The following GRK7 variants were observed in gnomAD, a reference collection of about 807,000 sequenced individuals.
GRK7 encodes rhodopsin kinase GRK7.
GRK7 carries 24 observed loss-of-function variants against 34.1 expected under a neutral mutation model. The ratio of observed to expected loss-of-function variants is 0.70; its 90% CI spans 0.51 to 0.99. GRK7 has a LOEUF of 0.99. Ranked by LOEUF, GRK7 falls within the 50% of genes least tolerant of loss-of-function variation. The probability of loss-of-function intolerance (pLI) is 0.00; values close to 1 mark genes in which losing one functional copy is unlikely to be tolerated. For synonymous variants in GRK7, 256 were observed against 279.4 expected (o/e 0.92, Z 0.84); for missense variants, 644 against 707.3 (o/e 0.91, Z 1.02).
intron 1 of GRK7, among the ~76,000 whole-genome samples, chr3:141,770,680 GA>G (rs1345269326): frequency 6.6e-6 from 1 of 152,082 alleles, no homozygotes; most frequent in East Asian, 1.9e-4. Flanking sequence ...AATGATCAGA[GA>G]AATGCAGATT....
chr3:141,816,915 G>C lies in GRK7; in HGVS notation c.1527G>C (p.Ala509=), dbSNP rs575394389. The C allele has an allele frequency of 6.2e-7, 1 of 1,614,004 alleles. No individual in the cohort carries two copies. Among genetic ancestry groups the C allele is most frequent in the African/African-American group, 1.3e-5 (1 of 74,928 alleles). Residue 509 remains alanine (A), a synonymous_variant, in exon 6 of 6, where the codon GCG becomes GCC. Transcript: ENST00000682958. ...ATAAGCAGTTCTTCAAAAACTTTGC[G>C]ACAGGTGCTGTTCCTATAGCATGGC... ...DKDKQFFKNF[A]TGAVPIAWQE...
the GRK7 span, among the ~76,000 whole-genome samples, chr3:141,750,625 T>C: frequency 6.6e-6 from 1 of 152,198 alleles, no homozygotes; most frequent in African/African-American, 2.4e-5. Flanking sequence ...TGGTAATCTC[T>C]TTGCCTTAAT....
intron 4 of GRK7, among the ~76,000 whole-genome samples, chr3:141,790,563 ACTT>A (rs2084719359): frequency 9.9e-6 from 1 of 101,056 alleles, no homozygotes; most frequent in Non-Finnish European, 1.9e-5. Flanking sequence ...GTCTACATGC[ACTT>A]TTTTTTTTTT....
chr3:141,768,476 C>T (rs2084600457), intron 1 of GRK7, among the ~76,000 whole-genome samples: 1 of 152,038 alleles, frequency 6.6e-6, no homozygotes, highest in African/African-American at 2.4e-5. Context: ...GATGGGGTTT[C>T]ACCATGTTGG....
chr3:141,816,640 C>T (rs1040776003), intron 5 of GRK7, 74 bp from the exon 6 acceptor site: 27 of 794,508 alleles, frequency 3.4e-5, no homozygotes, highest in East Asian at 3.1e-4. Context: ...ATGCTACACA[C>T]TTTGTATTGT....
chr3:141,762,581 C>T (rs1272829635), upstream of GRK7, among the ~76,000 whole-genome samples: 1 of 151,476 alleles, frequency 6.6e-6, no homozygotes, highest in African/African-American at 2.4e-5. Context: ...TGTCTGTGCC[C>T]TGCCCCCAGA....
intron 5 of GRK7, among the ~76,000 whole-genome samples, chr3:141,809,866 T>C (rs1711075528): frequency 6.6e-6 from 1 of 152,170 alleles, no homozygotes; most frequent in Admixed American, 6.5e-5. Flanking sequence ...CTCAAGCAAT[T>C]GAATTACTTT....
intron 4 of GRK7, among the ~76,000 whole-genome samples, chr3:141,790,155 C>A (rs1311409446): frequency 6.6e-6 from 1 of 152,174 alleles, no homozygotes; most frequent in African/African-American, 2.4e-5. Context: ...GCGCATGCTA[C>A]CACGCCCAGC....
Position 141,780,578 on chromosome 3 carries a change from G to C in GRK7, c.817G>C (p.Gly273Arg). 6.2e-7 allele frequency: 1 copy of C among 1,614,194 alleles called. No individual in the cohort carries two copies. Among genetic ancestry groups the C allele is most frequent in the East Asian group, 2.2e-5 (1 of 44,888 alleles). Residue 273 changes from glycine to arginine, a missense_variant, in exon 4 of 6, where the codon GGG becomes CGG. By Grantham distance (125) the Gly-to-Arg change is moderately radical. Coordinates refer to ENST00000682958, the MANE Select transcript of GRK7 (RefSeq NM_139209.3). ...HLCLVMSLMN[G>R]GDLKFHIYNV... Reference sequence around the variant, plus strand: ...CTGCCTTGTCATGAGCCTGATGAATGGGGGAGACCTCAAGTTCCACATCTA... The same window carrying C: ...CTGCCTTGTCATGAGCCTGATGAATCGGGGAGACCTCAAGTTCCACATCTA...
intron 4 of GRK7, among the ~76,000 whole-genome samples, chr3:141,803,152 C>T (rs1195912468): frequency 2.0e-5 from 3 of 151,488 alleles, no homozygotes; most frequent in African/African-American, 4.9e-5. Context: ...ACTGGCTGGG[C>T]GCAGTGGCTC....
At position 141,764,370 on chromosome 3, in the gene GRK7, A is replaced by G. The variant is rs555628373; in HGVS notation, c.-1583A>G. 1.3e-5 allele frequency among the ~76,000 whole-genome samples: 2 copies of G among 152,228 alleles called. No individual in the cohort carries two copies. Among genetic ancestry groups the G allele is most frequent in the African/African-American group, 2.4e-5 (1 of 41,540 alleles). Reference sequence around the variant, plus strand: ...ACTCTCATAAGGTTTTCATCCCACTACTTCATAGAAACTGCTCTTGTCAAG... The same window carrying G: ...ACTCTCATAAGGTTTTCATCCCACTGCTTCATAGAAACTGCTCTTGTCAAG... On this transcript the variant is annotated 5_prime_UTR_variant, in exon 1 of 6. Transcript: ENST00000682958.
intron 4 of GRK7, among the ~76,000 whole-genome samples, chr3:141,781,502 A>C (rs1342681995): frequency 2.0e-5 from 3 of 150,602 alleles, no homozygotes; most frequent in Non-Finnish European, 3.0e-5. Flanking sequence ...ATGCCACTGC[A>C]CTCCAGCCTG....
At chr3:141,798,000 G>C (rs540014905) in intron 4 of GRK7, among the ~76,000 whole-genome samples, 1 of 152,170 alleles carries the variant, frequency 6.6e-6, no homozygotes, top group Non-Finnish European at 1.5e-5. Flanking sequence ...TCACAGTCTG[G>C]TTCCTGGTTG....
intron 1 of GRK7, among the ~76,000 whole-genome samples, chr3:141,770,900 G>A (rs1273775707): frequency 3.3e-5 from 5 of 150,868 alleles, no homozygotes; most frequent in Non-Finnish European, 5.9e-5. Context: ...TGAGGTGGGA[G>A]GATCACTTGA....
At chr3:141,762,911 T>A (rs1248074764), upstream of GRK7, among the ~76,000 whole-genome samples, 1 of 152,208 alleles carries the variant, frequency 6.6e-6, no homozygotes, top group African/African-American at 2.4e-5. Context: ...CGTCACTCCT[T>A]TCTTTGACTT....
Position 141,778,682 on chromosome 3 carries a change from A to C in GRK7, c.398A>C (p.Lys133Thr). 6.2e-7 allele frequency: 1 copy of C among 1,613,694 alleles called. No individual in the cohort carries two copies. The highest frequency in any genetic ancestry group is 8.5e-7 in the Non-Finnish European group (1 of 1,179,820). Reference sequence around the variant, plus strand: ...TTCCTCAGCCAGGCCGTGGCCACCAAGTGCCAAGCAGCCACCACTGAGGAA... The same window carrying C: ...TTCCTCAGCCAGGCCGTGGCCACCACGTGCCAAGCAGCCACCACTGAGGAA... ...QPFLSQAVAT[K>T]CQAATTEEER... The change falls in exon 3 of 6, where the codon AAG (lysine) becomes ACG (threonine). Residue 133 changes from lysine to threonine, a missense_variant. Coordinates refer to ENST00000682958, the MANE Select transcript of GRK7 (RefSeq NM_139209.3). The surrounding 1 kb of genome is among the most constrained non-coding windows in gnomAD (Gnocchi z 4.1).
At chr3:141,788,878 G>A (rs2084709470) in intron 4 of GRK7, among the ~76,000 whole-genome samples, 1 of 152,220 alleles carries the variant, frequency 6.6e-6, no homozygotes, top group Admixed American at 6.5e-5. Flanking sequence ...CTGTCGCCCA[G>A]GCTGGAGTGC....
intron 4 of GRK7, among the ~76,000 whole-genome samples, chr3:141,802,365 G>GACACACAC (rs1577923831): frequency 8.8e-5 from 3 of 34,210 alleles, no homozygotes; most frequent in African/African-American, 1.4e-4. Context: ...CTCTTTCTCT[G>GACACACAC]TCACACACAC....
At chr3:141,792,101 T>C (rs1242969195) in intron 4 of GRK7, among the ~76,000 whole-genome samples, 3 of 146,160 alleles carry the variant, frequency 2.1e-5, no homozygotes, top group East Asian at 4.1e-4. Flanking sequence ...GTGGGGAAGA[T>C]AGAACTTAAT....
Sources: gnomAD v4.1 joint callset for allele counts (sites outside exome capture counted in the v4.1 genomes callset) on GRCh38, gnomAD v4.1.1 for gene constraint, Gnocchi (gnomAD v3.1) non-coding constraint, MANE v1.5 for transcripts, NCBI Gene and HGNC (gene_info 2026-07-23, HGNC 2026-07-21) for gene names.